Variants in PAX5 observed in about 807,000 individuals in gnomAD.
PAX5 encodes the protein paired box 5.
A neutral mutation model predicts 43.7 loss-of-function variants in PAX5; 9 were observed. The observed-to-expected ratio is 0.21, with a 90% CI of 0.12 to 0.36. The LOEUF (loss-of-function observed/expected upper bound fraction) is 0.36. Among genes scored for constraint, PAX5 ranks in the 10% least tolerant of loss-of-function variants. The probability of loss-of-function intolerance (pLI) is 1.00; values close to 1 mark genes in which losing one functional copy is unlikely to be tolerated. For missense variants in PAX5, 383 were observed against 532.7 expected, an observed-to-expected ratio of 0.72 and a Z score of 2.77; for synonymous variants, 228 against 214.3, an observed-to-expected ratio of 1.06 and a Z score of -0.56.
At chr9:36,992,620 G>A (rs1429048131) in intron 5 of PAX5, among the ~76,000 whole-genome samples, 1 of 152,202 alleles carries the variant, frequency 6.6e-6, no homozygotes, top group Non-Finnish European at 1.5e-5. Context: ...TATCCCAATC[G>A]GCTAGTGGAG....
At chr9:36,973,135 A>AAAGGAAAGGAAAGGAAAGG (rs1564026797) in intron 5 of PAX5, among the ~76,000 whole-genome samples, 1 of 74,726 alleles carries the variant, frequency 1.3e-5, no homozygotes, top group African/African-American at 6.3e-5. Context: ...GAAAGGAAAG[A>AAAGGAAAGGAAAGGAAAGG]AAAGGAAAGG....
chr9:36,947,423 G>T (rs1438034966), intron 6 of PAX5, among the ~76,000 whole-genome samples: 2 of 151,984 alleles, frequency 1.3e-5, no homozygotes, highest in African/African-American at 4.8e-5. Flanking sequence ...TAAAGTCAGG[G>T]TCTCACTCTG....
rs1358641959 is a variant in PAX5 at position 36,838,126 on chromosome 9, C to T, written c.*2434G>A. The stretch of plus-strand genomic sequence containing the variant: ...AGGTGGAAGCTGCAGCCAGCTCACC[C>T]TGGCTCCTGGAGGTGGACTCTGGCC... On this transcript the variant is annotated 3_prime_UTR_variant, in exon 10 of 10. Coordinates refer to ENST00000358127, the MANE Select transcript of PAX5 (RefSeq NM_016734.3). 1 of 233,226 alleles carries T rather than the reference C, an allele frequency of 4.3e-6. No homozygotes were observed. Among genetic ancestry groups the T allele is most frequent in the Non-Finnish European group, 8.5e-6 (1 of 118,102 alleles). The allele number at this position is 233,226 out of a possible 1,614,324, so 14.4% of individuals were successfully genotyped here.
At chr9:36,915,883 G>A (rs1384049499) in intron 7 of PAX5, among the ~76,000 whole-genome samples, 1 of 151,884 alleles carries the variant, frequency 6.6e-6, no homozygotes, top group Non-Finnish European at 1.5e-5. Context: ...ACCAGCCTGG[G>A]CAACATAGGG....
chr9:37,003,247 C>T (rs1466077109), intron 4 of PAX5, among the ~76,000 whole-genome samples: 5 of 150,230 alleles, frequency 3.3e-5, no homozygotes. Flanking sequence ...GGTGCAAACA[C>T]AACTACCTGA....
intron 8 of PAX5, among the ~76,000 whole-genome samples, chr9:36,863,529 C>T (rs1040046445): frequency 4.6e-5 from 7 of 152,216 alleles, no homozygotes; most frequent in East Asian, 3.8e-4. Context: ...ATGCAGAAGC[C>T]GAGGCCCAGC....
intron 6 of PAX5, among the ~76,000 whole-genome samples, chr9:36,932,346 G>A (rs535684385): frequency 1.3e-5 from 2 of 152,282 alleles, no homozygotes; most frequent in South Asian, 2.1e-4. Flanking sequence ...GAAGTTTGTC[G>A]AAAAATAAAG....
chr9:36,988,682 AAAAAGAGAG>A (rs1564047417), intron 5 of PAX5, among the ~76,000 whole-genome samples: 1 of 35,248 alleles, frequency 2.8e-5, no homozygotes, highest in Non-Finnish European at 7.2e-5. Context: ...AAAAAAAAAA[AAAAAGAGAG>A]AGAGAGAGAG....
chr9:36,936,272 T>C (rs1000819954), intron 6 of PAX5, among the ~76,000 whole-genome samples: 7 of 152,186 alleles, frequency 4.6e-5, no homozygotes, highest in Admixed American at 2.6e-4. Flanking sequence ...GGTTGACTCC[T>C]GTGGGGAAGG....
intron 2 of PAX5, among the ~76,000 whole-genome samples, chr9:37,018,364 T>C (rs1700792718): frequency 6.6e-6 from 1 of 151,930 alleles, no homozygotes; most frequent in African/African-American, 2.4e-5. Context: ...AAGCTGTGCG[T>C]CTCTAGCCCC....
chr9:37,026,499 G>A (rs898441744), intron 1 of PAX5: 1 of 1,318,856 alleles, frequency 7.6e-7, no homozygotes, highest in Non-Finnish European at 9.9e-7. Flanking sequence ...GTCCCGGCGG[G>A]AGAGTGAGAG....
rs1839293809 is a variant in PAX5 at position 37,015,257 on chromosome 9, A to C, written c.213-63T>G. 7.0e-7 allele frequency: 1 copy of C among 1,430,718 alleles called. No individual in the cohort carries two copies. The highest frequency in any genetic ancestry group is 1.2e-5 in the South Asian group (1 of 86,408). The allele number at this position is 1,430,718 out of a possible 1,614,324, so 88.6% of individuals were successfully genotyped here. A position where few individuals can be genotyped will look rare whatever the true frequency, so the allele number is the denominator to read the frequency against. On this transcript the variant is annotated intron_variant, in intron 2 of 9. Coordinates refer to ENST00000358127, the MANE Select transcript of PAX5 (RefSeq NM_016734.3). The surrounding 1 kb of genome is among the most constrained non-coding windows in gnomAD (Gnocchi z 4.4). ...CCAGTAAAGTGGATATTGGCAACAAAATAACGGGCTACTCTGGCCAGGAAA... is the reference window on the plus strand; with the variant it reads ...CCAGTAAAGTGGATATTGGCAACAACATAACGGGCTACTCTGGCCAGGAAA...
intron 7 of PAX5, among the ~76,000 whole-genome samples, chr9:36,907,023 A>G (rs4880032): frequency 0.35 from 53,332 of 151,942 alleles, 10,814 homozygotes; most frequent in African/African-American, 0.57. Flanking sequence ...CCCAGACCCC[A>G]GTGGGCGCCA....
At chr9:36,982,869 T>C (rs1374559208) in intron 5 of PAX5, among the ~76,000 whole-genome samples, 1 of 151,774 alleles carries the variant, frequency 6.6e-6, no homozygotes, top group Non-Finnish European at 1.5e-5. Context: ...AAAAGAAAGA[T>C]ACCCTAGAGA....
At chr9:37,020,563 T>G in intron 2 of PAX5, 73 bp downstream of exon 2, 1 of 1,451,970 alleles carries the variant, frequency 6.9e-7, no homozygotes, top group Non-Finnish European at 9.6e-7. Flanking sequence ...TACTGTCATA[T>G]TGGACAGCTG....
chr9:37,002,379 G>C (rs1327462721), intron 5 of PAX5, among the ~76,000 whole-genome samples: 2 of 152,204 alleles, frequency 1.3e-5, no homozygotes, highest in African/African-American at 4.8e-5. Flanking sequence ...CAGGCCACAA[G>C]GGCTCTGCCA....
At chr9:37,013,742 T>G (rs140442613) in intron 3 of PAX5, among the ~76,000 whole-genome samples, 2 of 152,278 alleles carry the variant, frequency 1.3e-5, no homozygotes, top group African/African-American at 4.8e-5. Flanking sequence ...ACCAAGAAAC[T>G]GTGTGCCTGA....
chr9:37,023,761 A>G (rs1342853924), intron 1 of PAX5, among the ~76,000 whole-genome samples: 1 of 152,166 alleles, frequency 6.6e-6, no homozygotes, highest in Non-Finnish European at 1.5e-5. Context: ...CAGGACCCCC[A>G]CAAGATCATT....
At chr9:36,972,752 G>T (rs1287175823) in intron 5 of PAX5, among the ~76,000 whole-genome samples, 1 of 152,220 alleles carries the variant, frequency 6.6e-6, no homozygotes, top group Non-Finnish European at 1.5e-5. Flanking sequence ...AATAGGCTGG[G>T]CACGGTGGCT....
Sources: gnomAD v4.1 joint callset for allele counts (sites outside exome capture counted in the v4.1 genomes callset) on GRCh38, gnomAD v4.1.1 for gene constraint, Gnocchi (gnomAD v3.1) non-coding constraint, MANE v1.5 for transcripts, NCBI Gene and HGNC (gene_info 2026-07-23, HGNC 2026-07-21) for gene names.